Variants in ZFAND3 observed in about 807,000 individuals in gnomAD.
ZFAND3 encodes AN1-type zinc finger protein 3.
In ZFAND3, 10 loss-of-function variants were observed where a neutral mutation model predicts 29.6. That is an observed-to-expected ratio of 0.34 (90% CI 0.21 to 0.57). ZFAND3 has a LOEUF of 0.57. Among genes scored for constraint, ZFAND3 ranks in the 20% least tolerant of loss-of-function variants. The probability of loss-of-function intolerance (pLI) is 0.86; values close to 1 mark genes in which losing one functional copy is unlikely to be tolerated. For synonymous variants in ZFAND3, 128 were observed against 112.6 expected (o/e 1.14, Z -0.87); for missense variants, 230 against 304.5 (o/e 0.76, Z 1.82).
chr6:38,098,748 T>G (rs1212046325), intron 4 of ZFAND3, among the ~76,000 whole-genome samples: 1 of 151,518 alleles, frequency 6.6e-6, no homozygotes, highest in South Asian at 2.1e-4. Context: ...GTGATCCGCC[T>G]GCCTTGGCCT....
chr6:37,993,575 C>T (rs1232544632), intron 2 of ZFAND3, among the ~76,000 whole-genome samples: 4 of 152,134 alleles, frequency 2.6e-5, no homozygotes, highest in African/African-American at 7.2e-5. Flanking sequence ...GATCTGCCCA[C>T]CTTGGCCTCC....
chr6:38,078,357 A>C (rs769632711), intron 3 of ZFAND3, among the ~76,000 whole-genome samples: 2 of 152,234 alleles, frequency 1.3e-5, no homozygotes, highest in Non-Finnish European at 2.9e-5. Context: ...CAAACTTTAA[A>C]TTGTTGAAAC....
At chr6:37,926,473 T>G (rs1002047443) in intron 1 of ZFAND3, among the ~76,000 whole-genome samples, 10 of 152,164 alleles carry the variant, frequency 6.6e-5, no homozygotes, top group Admixed American at 2.6e-4. Context: ...TTACTTTGGG[T>G]GTCTTTCTGA....
At chr6:38,152,189 A>T (rs757815675) in intron 5 of ZFAND3, 46 bp from the exon 6 acceptor site, 1 of 1,455,400 alleles carries the variant, frequency 6.9e-7, no homozygotes, top group South Asian at 1.5e-5. Context: ...GCGCACTTGG[A>T]GGCCACCCTA....
rs951646038 is a variant in ZFAND3 at position 38,082,153 on chromosome 6, T to TG, written c.296-239_296-238insG. 2.9e-4 allele frequency among the ~76,000 whole-genome samples: 43 copies of TG among 150,388 alleles called. 1 individual carries two copies. Among genetic ancestry groups the TG allele is most frequent in the Middle Eastern group, 3.4e-3 (1 of 292 alleles). On this transcript the variant is annotated intron_variant, in intron 3 of 5. Coordinates refer to ENST00000287218, the MANE Select transcript of ZFAND3 (RefSeq NM_021943.3). The stretch of plus-strand genomic sequence containing the variant: ...TGTGAGACTCGGCTGTTTTTTTTTT[T>TG]TTTGTGTGTGAAAAGCATGTTAGAA...
intron 1 of ZFAND3, among the ~76,000 whole-genome samples, chr6:37,921,458 T>C (rs1581763132): frequency 6.6e-6 from 1 of 152,082 alleles, no homozygotes; most frequent in South Asian, 2.1e-4. Flanking sequence ...TTGAGGAACA[T>C]TGATATGGTG....
intron 2 of ZFAND3, among the ~76,000 whole-genome samples, chr6:38,061,058 TTA>T (rs763946632): frequency 2.4e-4 from 36 of 152,348 alleles, no homozygotes; most frequent in Non-Finnish European, 3.8e-4. Flanking sequence ...CCTCTCATAT[TTA>T]TGTTTTTAGT....
At chr6:38,052,846 T>C (rs1764052669) in intron 2 of ZFAND3, among the ~76,000 whole-genome samples, 1 of 151,942 alleles carries the variant, frequency 6.6e-6, no homozygotes, top group Non-Finnish European at 1.5e-5. Flanking sequence ...AGTTCGAGCC[T>C]GGCCAACATA....
intron 2 of ZFAND3, among the ~76,000 whole-genome samples, chr6:38,060,144 T>A (rs1764206029): frequency 6.6e-6 from 1 of 152,146 alleles, no homozygotes; most frequent in Non-Finnish European, 1.5e-5. Flanking sequence ...GACCAGTATT[T>A]AATATACGCT....
chr6:37,842,169 G>A (rs1050118161), intron 1 of ZFAND3, among the ~76,000 whole-genome samples: 1 of 152,036 alleles, frequency 6.6e-6, no homozygotes, highest in Non-Finnish European at 1.5e-5. Flanking sequence ...TTCGGTATTC[G>A]GTTCCAACAA....
chr6:37,864,697 G>A (rs1764553456), intron 1 of ZFAND3, among the ~76,000 whole-genome samples: 1 of 151,746 alleles, frequency 6.6e-6, no homozygotes, highest in African/African-American at 2.4e-5. Flanking sequence ...GTATATATGT[G>A]TGTATGTTCA....
rs73421413 is a variant in ZFAND3, at chr6:37,939,669, A to T, written c.112+9670A>T. Among the ~76,000 whole-genome samples the T allele has an allele frequency of 1.4e-3, 218 of 152,288 alleles. 1 individual carries two copies. Among genetic ancestry groups the T allele is most frequent in the African/African-American group, 4.4e-3 (181 of 41,556 alleles). On this transcript the variant is annotated intron_variant, in intron 2 of 5. Transcript: ENST00000287218. ...CCTTTATCAAAGCTTGGAGACTTCT[A>T]GTTTAGAGAACTGTTTGGGTTGGAT...
chr6:38,016,838 TGTCTTAGG>T (rs1763259877), intron 2 of ZFAND3, among the ~76,000 whole-genome samples: 1 of 152,232 alleles, frequency 6.6e-6, no homozygotes, highest in African/African-American at 2.4e-5. Context: ...CTTTGAGAGC[TGTCTTAGG>T]GATCTCTAGA....
At chr6:37,979,241 A>G (rs1581809091) in intron 2 of ZFAND3, among the ~76,000 whole-genome samples, 1 of 152,156 alleles carries the variant, frequency 6.6e-6, no homozygotes, top group Non-Finnish European at 1.5e-5. Context: ...GTGGTGTTTT[A>G]ATATCCATCT....
chr6:38,102,400 A>G lies in ZFAND3; in HGVS notation c.362-14172A>G, dbSNP rs541004500. Among the ~76,000 whole-genome samples the G allele has an allele frequency of 5.3e-5, 8 of 152,178 alleles. 2 individuals carry two copies. In the South Asian group the frequency reaches 1.7e-3, roughly 32 times the overall value. Reference sequence around the variant, plus strand: ...ATTTACTTGAATTAGTGTCTCATTCATCTTTACCCATTTCCCCACCTCACC... The same window carrying G: ...ATTTACTTGAATTAGTGTCTCATTCGTCTTTACCCATTTCCCCACCTCACC... On this transcript the variant is annotated intron_variant, in intron 4 of 5. Coordinates refer to ENST00000287218, the MANE Select transcript of ZFAND3 (RefSeq NM_021943.3).
intron 4 of ZFAND3, among the ~76,000 whole-genome samples, chr6:38,101,772 C>CAAAAAAA (rs57491627): frequency 4.7e-5 from 2 of 42,720 alleles, no homozygotes; most frequent in African/African-American, 1.5e-4. Context: ...GACTCCCTCT[C>CAAAAAAA]AAAAAAAAAA....
intron 1 of ZFAND3, among the ~76,000 whole-genome samples, chr6:37,862,309 A>G (rs1189160963): frequency 6.6e-6 from 1 of 152,098 alleles, no homozygotes; most frequent in Non-Finnish European, 1.5e-5. Context: ...TCATTCACCC[A>G]TCATACAGTA....
intron 3 of ZFAND3, among the ~76,000 whole-genome samples, chr6:38,070,288 G>T (rs188761415): frequency 4.9e-4 from 74 of 152,106 alleles, no homozygotes; most frequent in Non-Finnish European, 8.4e-4. Context: ...GCCTGGCATG[G>T]TGTCAGGCCC....
chr6:37,858,985 T>A (rs1391756745), intron 1 of ZFAND3, among the ~76,000 whole-genome samples: 1 of 152,218 alleles, frequency 6.6e-6, no homozygotes, highest in Non-Finnish European at 1.5e-5. Context: ...TATTATTATT[T>A]TAAAAAATCC....
Sources: gnomAD v4.1 joint callset for allele counts (sites outside exome capture counted in the v4.1 genomes callset) on GRCh38, gnomAD v4.1.1 for gene constraint, MANE v1.5 for transcripts, NCBI Gene and HGNC (gene_info 2026-07-23, HGNC 2026-07-21) for gene names.